Variants in SWI5 observed in about 807,000 individuals in gnomAD.
SWI5 encodes DNA repair protein SWI5 homolog.
SWI5 carries 12 observed loss-of-function variants against 17.0 expected under a neutral mutation model. The ratio of observed to expected loss-of-function variants is 0.71; its 90% CI spans 0.45 to 1.14. The LOEUF is 1.14. Among genes scored for constraint, SWI5 ranks in the 50% most tolerant of loss-of-function variants. The pLI, the probability that SWI5 is intolerant of heterozygous loss-of-function variation, is 0.00. For synonymous variants in SWI5, 61 were observed against 64.0 expected (o/e 0.95, Z 0.22); for missense variants, 158 against 162.2 (o/e 0.97, Z 0.14).
chr9:128,276,340 G>A (rs2131409094), exon 1 of SWI5: 1 of 1,613,130 alleles, frequency 6.2e-7, no homozygotes, highest in African/African-American at 1.3e-5. Flanking sequence ...CGACTCCCGC[G>A]CTGGACCCTC....
chr9:128,277,410 C>T (rs1420567558), intron 2 of SWI5, among the ~76,000 whole-genome samples: 2 of 152,018 alleles, frequency 1.3e-5, no homozygotes, highest in African/African-American at 4.8e-5. Flanking sequence ...AAAAATCAGC[C>T]GAGCGTGGTG....
rs552550490 is a variant in SWI5, at chr9:128,287,631, G to A, written c.329-1021G>A. Among the ~76,000 whole-genome samples the A allele has an allele frequency of 3.1e-4, 43 of 139,760 alleles. No individual in the cohort carries two copies. In the East Asian group the frequency reaches 3.1e-3, roughly 10 times the overall value. 91.7% of individuals were successfully genotyped at this position (139,760 alleles called of 152,430 possible). ...GGTTGGAGTGCAGTGGCGTGATCTC[G>A]GCTCCCTGCAACCTCCACCTCCCAG... On this transcript the variant is annotated intron_variant, in intron 4 of 4. Transcript: ENST00000418976.
At chr9:128,275,634 G>T, upstream of SWI5, 1 of 702,412 alleles carries the variant, frequency 1.4e-6, no homozygotes, top group Non-Finnish European at 2.2e-6. Context: ...GACTTCGGGG[G>T]GCAGGAGGTG....
chr9:128,283,177 C>T (rs563370843), intron 2 of SWI5, among the ~76,000 whole-genome samples: 17 of 152,058 alleles, frequency 1.1e-4, no homozygotes, highest in Non-Finnish European at 1.8e-4. Context: ...AAAAAATTAG[C>T]CAGGCATGGT....
At chr9:128,281,378 A>G (rs1222697178) in intron 2 of SWI5, among the ~76,000 whole-genome samples, 3 of 151,972 alleles carry the variant, frequency 2.0e-5, no homozygotes, top group Non-Finnish European at 1.5e-5. Flanking sequence ...TGTGAAACCC[A>G]CTGATACAGA....
upstream of SWI5, chr9:128,276,034 G>T (rs1831343640): frequency 2.5e-6 from 4 of 1,586,940 alleles, no homozygotes; most frequent in Admixed American, 1.8e-5. Flanking sequence ...GCTGTGCGAC[G>T]GAGCCAGAGG....
rs2131408514 is a variant in SWI5, at chr9:128,276,268, T to C, written c.-73T>C. On this transcript the variant is annotated 5_prime_UTR_variant, in exon 1 of 5. Coordinates refer to ENST00000418976, the Ensembl canonical transcript of SWI5. ...TTCCTTGGGTGCGCGCGCAGCTTTC[T>C]GTGCGCCAGTTCACACTCCGGGTCA... is the stretch of plus-strand genomic sequence containing the variant. 1 of 1,612,750 alleles carries C rather than the reference T, an allele frequency of 6.2e-7. No individual in the cohort carries two copies. Among genetic ancestry groups the C allele is most frequent in the South Asian group, 1.1e-5 (1 of 91,058 alleles).
intron 2 of SWI5, among the ~76,000 whole-genome samples, chr9:128,283,233 A>G (rs1298645626): frequency 2.0e-5 from 3 of 152,126 alleles, no homozygotes; most frequent in Non-Finnish European, 2.9e-5. Flanking sequence ...GAGGCAGGAG[A>G]ATTGCTTGAA....
intron 2 of SWI5, among the ~76,000 whole-genome samples, chr9:128,277,566 A>G (rs1408550457): frequency 6.6e-6 from 1 of 152,160 alleles, no homozygotes; most frequent in Non-Finnish European, 1.5e-5. Flanking sequence ...AACAAAAAAG[A>G]AGTTAGATCG....
chr9:128,284,532 A>T (rs1328126654), exon 3 of SWI5: 1 of 1,613,834 alleles, frequency 6.2e-7, no homozygotes, highest in Non-Finnish European at 8.5e-7. Context: ...AAGTCTGGCC[A>T]GGCTGATGGG....
chr9:128,284,614 C>A (rs1346413825), exon 3 of SWI5: 1 of 1,613,706 alleles, frequency 6.2e-7, no homozygotes, highest in East Asian at 2.2e-5. Context: ...ACAAGGAGAT[C>A]TCCCAGTTCG....
intron 2 of SWI5, among the ~76,000 whole-genome samples, chr9:128,281,242 T>G (rs942145529): frequency 2.0e-5 from 3 of 151,884 alleles, no homozygotes; most frequent in Non-Finnish European, 4.4e-5. Context: ...TTCACTATGT[T>G]GGCCAGGCTG....
chr9:128,281,851 T>C (rs949319714), intron 2 of SWI5, among the ~76,000 whole-genome samples: 17 of 151,540 alleles, frequency 1.1e-4, no homozygotes, highest in African/African-American at 4.1e-4. Context: ...GGTGTGAGGA[T>C]TGCTCCAGCC....
chr9:128,287,060 G>C (rs1831651824), intron 4 of SWI5, among the ~76,000 whole-genome samples: 1 of 148,566 alleles, frequency 6.7e-6, no homozygotes, highest in Non-Finnish European at 1.5e-5. Context: ...AGACTCGCTT[G>C]AACCCGGGAG....
intron 2 of SWI5, among the ~76,000 whole-genome samples, chr9:128,283,055 C>G (rs1406365667): frequency 6.6e-6 from 1 of 152,180 alleles, no homozygotes; most frequent in East Asian, 1.9e-4. Context: ...TGGCTCACGC[C>G]TGTAATCCCA....
At chr9:128,276,132 A>G (rs1831350002), upstream of SWI5, 3 of 1,565,346 alleles carry the variant, frequency 1.9e-6, no homozygotes, top group Non-Finnish European at 2.6e-6. Context: ...TATGAAGCGG[A>G]AGGGGGCGTG....
At chr9:128,275,935 C>T, upstream of SWI5, 5 of 1,593,734 alleles carry the variant, frequency 3.1e-6, no homozygotes, top group Non-Finnish European at 4.3e-6. Context: ...GGGTTTCTTC[C>T]GACATCGCGG....
chr9:128,288,959 T>TTA, exon 5 of SWI5: 1 of 566,348 alleles, frequency 1.8e-6, no homozygotes, highest in Non-Finnish European at 3.2e-6. Context: ...TACATGTACT[T>TTA]TATTTGTCAA....
rs79429554 is a variant in SWI5, at chr9:128,286,118, C to T, written c.328+85C>T. On this transcript the variant is annotated intron_variant, in intron 4 of 4. Transcript: ENST00000418976. Reference sequence around the variant, plus strand: ...GGTGTTGGGTTTTGCTCCTGGGCCTCCCAGCTTGCCAACCGTCACACCCTC... The same window carrying T: ...GGTGTTGGGTTTTGCTCCTGGGCCTTCCAGCTTGCCAACCGTCACACCCTC... The T allele has an allele frequency of 1.1e-3, 1,115 of 991,122 alleles. 6 individuals are homozygous for T. The African/African-American group carries it at 0.016, about 14-fold the overall frequency. The allele number at this position is 991,122 out of a possible 1,614,324, so 61.4% of individuals were successfully genotyped here. A position where few individuals can be genotyped will look rare whatever the true frequency, so the allele number is the denominator to read the frequency against.
Sources: gnomAD v4.1 joint callset for allele counts (sites outside exome capture counted in the v4.1 genomes callset) on GRCh38, gnomAD v4.1.1 for gene constraint, MANE v1.5 for transcripts, NCBI Gene and HGNC (gene_info 2026-07-23, HGNC 2026-07-21) for gene names.